Variants in MEIS1 observed in about 807,000 individuals in gnomAD.
MEIS1 encodes the protein Meis homeobox 1, also known as homeobox protein Meis1.
Under a neutral mutation model 50.8 loss-of-function variants are expected in MEIS1, and 5 were observed. The ratio of observed to expected loss-of-function variants is 0.10; its 90% CI spans 0.05 to 0.21. MEIS1 has a LOEUF of 0.21. Ranked by LOEUF, MEIS1 falls within the 10% of genes least tolerant of loss-of-function variation. The pLI, the probability that MEIS1 is intolerant of heterozygous loss-of-function variation, is 1.00. For missense variants in MEIS1, 318 were observed against 517.3 expected (o/e 0.61, Z 3.74); for synonymous variants, 176 against 179.3 (o/e 0.98, Z 0.15).
intron 8 of MEIS1, among the ~76,000 whole-genome samples, chr2:66,546,297 CAG>C (rs1214000643): frequency 6.6e-6 from 1 of 152,046 alleles, no homozygotes; most frequent in Non-Finnish European, 1.5e-5. Flanking sequence ...GTTAGGAAAA[CAG>C]AAAGAAGGAT....
intron 8 of MEIS1, among the ~76,000 whole-genome samples, chr2:66,531,645 C>G (rs959558929): frequency 2.0e-5 from 3 of 152,182 alleles, no homozygotes; most frequent in African/African-American, 7.2e-5. Context: ...AGGGTCATTT[C>G]TAGGACAGAT....
intron 10 of MEIS1, 21 bp from the exon 11 acceptor site, chr2:66,568,646 C>T (rs756528699): frequency 6.3e-7 from 1 of 1,597,180 alleles, no homozygotes; most frequent in South Asian, 1.1e-5. Context: ...TATTAAAAAA[C>T]CACATTCTGT....
intron 6 of MEIS1, among the ~76,000 whole-genome samples, chr2:66,461,308 TC>T (rs1416866730): frequency 6.6e-6 from 1 of 152,168 alleles, no homozygotes; most frequent in Non-Finnish European, 1.5e-5. Flanking sequence ...TGGGGGGAGT[TC>T]GTTCTGATTA....
intron 7 of MEIS1, among the ~76,000 whole-genome samples, chr2:66,497,688 A>G (rs996233929): frequency 9.2e-5 from 14 of 152,210 alleles, no homozygotes; most frequent in Non-Finnish European, 1.6e-4. Flanking sequence ...TAAGCTTAGG[A>G]CTTCGAGAGC....
chr2:66,482,112 G>A (rs1455986878), intron 7 of MEIS1, among the ~76,000 whole-genome samples: 3 of 152,080 alleles, frequency 2.0e-5, no homozygotes, highest in African/African-American at 7.2e-5. Flanking sequence ...TGCCTACGTC[G>A]GCCTCCCAAA....
In MEIS1 at chr2:66,494,146, G is replaced by A. The variant is rs529781919; in HGVS notation, c.743-18003G>A. Among the ~76,000 whole-genome samples the A allele has an allele frequency of 1.6e-4, 24 of 152,276 alleles. 1 individual carries two copies. The highest frequency in any genetic ancestry group is 4.1e-4 in the South Asian group (2 of 4,828). Reference sequence around the variant, plus strand: ...AAAAGAGTGGCATGATCTCAAAGTTGTTCTCAGCCTTCTCACTCCTTTCAA... The same window carrying A: ...AAAAGAGTGGCATGATCTCAAAGTTATTCTCAGCCTTCTCACTCCTTTCAA... On this transcript the variant is annotated intron_variant, in intron 7 of 12. Coordinates refer to ENST00000272369, the MANE Select transcript of MEIS1 (RefSeq NM_002398.3).
At chr2:66,504,359 G>A (rs1558542379) in intron 7 of MEIS1, among the ~76,000 whole-genome samples, 1 of 151,920 alleles carries the variant, frequency 6.6e-6, no homozygotes, top group African/African-American at 2.4e-5. Flanking sequence ...TCAGCCTCCC[G>A]AGTAGCTGGG....
rs1672787485 is a variant in MEIS1 at position 66,472,552 on chromosome 2, TA to T, written c.742+8336del. Among the ~76,000 whole-genome samples the T allele has an allele frequency of 4.6e-5, 7 of 152,278 alleles. No homozygotes were observed. The South Asian group carries it at 1.5e-3, about 32-fold the overall frequency. On this transcript the variant is annotated intron_variant, in intron 7 of 12. Transcript: ENST00000272369. ...ACCAAGAACATCAAGCATATCAAAG[TA>T]AAATATTTGCTAAATATTGGATATT... is the stretch of plus-strand genomic sequence containing the variant.
chr2:66,567,572 C>T (rs964510887), intron 10 of MEIS1, 61 bp downstream of exon 10: 1 of 1,521,946 alleles, frequency 6.6e-7, no homozygotes. Flanking sequence ...TCAAGCCATT[C>T]ACCGGGAGGT....
intron 8 of MEIS1, among the ~76,000 whole-genome samples, chr2:66,525,192 G>A (rs531169022): frequency 4.0e-4 from 61 of 151,984 alleles, no homozygotes; most frequent in Non-Finnish European, 7.1e-4. Flanking sequence ...CATCCTGGGC[G>A]GCAGAGTGAG....
intron 6 of MEIS1, among the ~76,000 whole-genome samples, chr2:66,448,230 T>C (rs941317647): frequency 1.3e-5 from 2 of 152,318 alleles, no homozygotes; most frequent in South Asian, 2.1e-4. Context: ...TGAAAATATA[T>C]AAATTTTAAA....
chr2:66,513,675 G>T (rs1673887677), intron 8 of MEIS1, among the ~76,000 whole-genome samples: 1 of 151,756 alleles, frequency 6.6e-6, no homozygotes, highest in African/African-American at 2.4e-5. Flanking sequence ...TACAGTTTTT[G>T]AGTAAACTTC....
At chr2:66,556,505 T>C (rs1456242306) in intron 9 of MEIS1, among the ~76,000 whole-genome samples, 1 of 151,702 alleles carries the variant, frequency 6.6e-6, no homozygotes, top group East Asian at 1.9e-4. Flanking sequence ...TTTTTTTTTT[T>C]CAAAAACAAT....
intron 7 of MEIS1, among the ~76,000 whole-genome samples, chr2:66,468,585 CG>C (rs2103754781): frequency 6.6e-6 from 1 of 152,316 alleles, no homozygotes; most frequent in East Asian, 1.9e-4. Context: ...GTGCTCAAGC[CG>C]GGACTTGAAC....
chr2:66,573,481 T>G lies in MEIS1; in HGVS notation c.*2273T>G, dbSNP rs773293668. 1.4e-4 allele frequency: 22 copies of G among 152,186 alleles called. No homozygotes were observed. The highest frequency in any genetic ancestry group is 3.2e-4 in the Non-Finnish European group (22 of 68,042). 9.4% of individuals were successfully genotyped at this position (152,186 alleles called of 1,614,324 possible). The stretch of plus-strand genomic sequence containing the variant: ...CTCAAGTCTGACATTCAGGCCCAAG[T>G]CACCCTATAAACCGGCCCTTAGCAA... On this transcript the variant is annotated 3_prime_UTR_variant, in exon 13 of 13. Transcript: ENST00000272369.
chr2:66,449,591 C>G (rs1205059536), intron 6 of MEIS1, among the ~76,000 whole-genome samples: 1 of 152,074 alleles, frequency 6.6e-6, no homozygotes, highest in African/African-American at 2.4e-5. Context: ...TTGCTGGAAT[C>G]CCTACACTTG....
chr2:66,527,049 G>A (rs933068520), intron 8 of MEIS1, among the ~76,000 whole-genome samples: 4 of 152,106 alleles, frequency 2.6e-5, no homozygotes, highest in Non-Finnish European at 5.9e-5. Flanking sequence ...AAACTGTGGG[G>A]TGAATTTGCA....
intron 8 of MEIS1, among the ~76,000 whole-genome samples, chr2:66,541,201 C>A (rs1365961730): frequency 1.3e-5 from 2 of 151,834 alleles, no homozygotes; most frequent in Non-Finnish European, 2.9e-5. Context: ...CCATGCCCAG[C>A]TAATTTTTTG....
intron 6 of MEIS1, among the ~76,000 whole-genome samples, chr2:66,447,386 C>T (rs1049140434): frequency 2.0e-5 from 3 of 152,184 alleles, no homozygotes; most frequent in Non-Finnish European, 4.4e-5. Context: ...CTTAGCATCA[C>T]CTAACTTTAC....
Sources: allele counts gnomAD v4.1 joint callset (sites outside exome capture counted in the v4.1 genomes callset), GRCh38; gene constraint gnomAD v4.1.1; transcripts MANE v1.5; gene names NCBI Gene and HGNC (gene_info 2026-07-23, HGNC 2026-07-21).